Variants in MAP4K3 observed in about 807,000 individuals in gnomAD.
MAP4K3 encodes MAPK/ERK kinase kinase kinase 3.
Under a neutral mutation model 143.5 loss-of-function variants are expected in MAP4K3, and 94 were observed. That is an observed-to-expected ratio of 0.65 (90% CI 0.55 to 0.78). The LOEUF (loss-of-function observed/expected upper bound fraction) is 0.78. Ranked by LOEUF, MAP4K3 falls within the 30% of genes least tolerant of loss-of-function variation. The pLI is 0.00. For synonymous variants in MAP4K3, 416 were observed against 347.2 expected (o/e 1.20, Z -2.20); for missense variants, 1,077 against 1,068.1 (o/e 1.01, Z -0.12).
At chr2:39,379,236 T>C (rs1233493001) in intron 1 of MAP4K3, among the ~76,000 whole-genome samples, 1 of 152,056 alleles carries the variant, frequency 6.6e-6, no homozygotes, top group Non-Finnish European at 1.5e-5. Flanking sequence ...ATCTAAGATA[T>C]GAGGCACCGT....
chr2:39,396,280 A>T (rs1666802540), intron 1 of MAP4K3, among the ~76,000 whole-genome samples: 1 of 151,924 alleles, frequency 6.6e-6, no homozygotes, highest in Non-Finnish European at 1.5e-5. Flanking sequence ...ACCTCAAGTG[A>T]TCCTCCCACC....
intron 2 of MAP4K3, among the ~76,000 whole-genome samples, chr2:39,362,865 T>G (rs1035461774): frequency 6.6e-6 from 1 of 152,062 alleles, no homozygotes; most frequent in Non-Finnish European, 1.5e-5. Context: ...ACCAACGGAA[T>G]AGAGAAAAGA....
At chr2:39,291,562 A>G (rs1015333017) in intron 18 of MAP4K3, among the ~76,000 whole-genome samples, 1 of 152,208 alleles carries the variant, frequency 6.6e-6, no homozygotes, top group Non-Finnish European at 1.5e-5. Flanking sequence ...GACTGAAGTT[A>G]GGATTCATTA....
intron 2 of MAP4K3, among the ~76,000 whole-genome samples, chr2:39,364,103 A>G (rs1262105278): frequency 1.3e-5 from 2 of 152,152 alleles, no homozygotes; most frequent in African/African-American, 4.8e-5. Flanking sequence ...AAAACAGTAC[A>G]GAAGTTCCTC....
At chr2:39,412,303 C>T (rs1197366548) in intron 1 of MAP4K3, among the ~76,000 whole-genome samples, 2 of 152,208 alleles carry the variant, frequency 1.3e-5, no homozygotes, top group African/African-American at 2.4e-5. Context: ...CAGCTATACG[C>T]TGAACAGCTC....
chr2:39,400,873 A>G (rs2148607115), intron 1 of MAP4K3, among the ~76,000 whole-genome samples: 1 of 152,346 alleles, frequency 6.6e-6, no homozygotes, highest in East Asian at 1.9e-4. Flanking sequence ...AAGCTTTAAA[A>G]ATGAACAAAA....
chr2:39,414,231 T>C (rs1332511347), intron 1 of MAP4K3, among the ~76,000 whole-genome samples: 1 of 152,188 alleles, frequency 6.6e-6, no homozygotes, highest in African/African-American at 2.4e-5. Context: ...ACCAATCTTC[T>C]CTGAAGATCA....
chr2:39,399,608 G>A (rs1479753925), intron 1 of MAP4K3, among the ~76,000 whole-genome samples: 1 of 152,180 alleles, frequency 6.6e-6, no homozygotes, highest in Admixed American at 6.5e-5. Context: ...AGGAACTTAA[G>A]TAGTTAAATG....
intron 1 of MAP4K3, among the ~76,000 whole-genome samples, chr2:39,389,045 G>A (rs1030368059): frequency 2.0e-5 from 3 of 152,114 alleles, no homozygotes. Context: ...AATCAAGTAC[G>A]CTTTAAAAGT....
intron 1 of MAP4K3, among the ~76,000 whole-genome samples, chr2:39,435,925 A>C (rs1665453668): frequency 6.6e-6 from 1 of 152,260 alleles, no homozygotes; most frequent in Non-Finnish European, 1.5e-5. Flanking sequence ...CTGCTTAAAC[A>C]TGGGCAAAAT....
Position 39,316,316 on chromosome 2 carries a change from T to C in MAP4K3, c.919-928A>G, listed in dbSNP as rs1175716601. 3.9e-5 allele frequency among the ~76,000 whole-genome samples: 6 copies of C among 152,102 alleles called. No homozygotes were observed. The East Asian group carries it at 7.7e-4, about 20-fold the overall frequency. On this transcript the variant is annotated intron_variant, in intron 12 of 33. Transcript: ENST00000263881. ...TAAGAAAAAGAAAAAGCTGAAAAAA[T>C]ATGATTTAGAGAAACCCTGTGAAAA...
At chr2:39,329,197 T>C (rs577277275) in intron 8 of MAP4K3, among the ~76,000 whole-genome samples, 4 of 152,304 alleles carry the variant, frequency 2.6e-5, no homozygotes, top group East Asian at 1.9e-4. Flanking sequence ...ATGAATATTG[T>C]ATAGAATCAA....
intron 12 of MAP4K3, chr2:39,315,599 T>G: frequency 2.0e-6 from 1 of 501,292 alleles, no homozygotes; most frequent in Non-Finnish European, 3.6e-6. Flanking sequence ...ACAACATAAA[T>G]TATTATTTGT....
chr2:39,292,210 C>T (rs1356187952), intron 18 of MAP4K3, among the ~76,000 whole-genome samples: 1 of 152,152 alleles, frequency 6.6e-6, no homozygotes, highest in Admixed American at 6.5e-5. Flanking sequence ...AGCTATCAAT[C>T]ACTGATAAAT....
chr2:39,405,610 G>A (rs1667072654), intron 1 of MAP4K3, among the ~76,000 whole-genome samples: 2 of 152,164 alleles, frequency 1.3e-5, no homozygotes, highest in Non-Finnish European at 2.9e-5. Flanking sequence ...GCTCACACCA[G>A]TAATCCCAAC....
intron 2 of MAP4K3, among the ~76,000 whole-genome samples, chr2:39,364,928 C>G (rs950330767): frequency 9.9e-5 from 15 of 151,076 alleles, no homozygotes; most frequent in Non-Finnish European, 2.2e-4. Context: ...GCAGATGAAG[C>G]CTCCAGGTAG....
intron 2 of MAP4K3, among the ~76,000 whole-genome samples, chr2:39,366,050 G>A (rs1388663291): frequency 6.6e-6 from 1 of 152,136 alleles, no homozygotes; most frequent in Admixed American, 6.5e-5. Flanking sequence ...TTCGTGAAAG[G>A]AGTCAAACTC....
intron 26 of MAP4K3, among the ~76,000 whole-genome samples, chr2:39,268,257 T>A (rs979133228): frequency 6.6e-6 from 1 of 152,148 alleles, no homozygotes; most frequent in Admixed American, 6.6e-5. Flanking sequence ...TAATAAAGGT[T>A]GTTGGTGCAT....
chr2:39,429,064 C>A (rs1298750884), intron 1 of MAP4K3, among the ~76,000 whole-genome samples: 140 of 60,102 alleles, frequency 2.3e-3, no homozygotes, highest in East Asian at 0.018. Context: ...GACTCCGTCT[C>A]AAAAAAAAAA....
Sources: allele counts gnomAD v4.1 joint callset (sites outside exome capture counted in the v4.1 genomes callset), GRCh38; gene constraint gnomAD v4.1.1; transcripts MANE v1.5; gene names NCBI Gene and HGNC (gene_info 2026-07-23, HGNC 2026-07-21).